CTBP2: variants seen among roughly 807,000 people sequenced by gnomAD.
The protein encoded by CTBP2 is C-terminal-binding protein 2.
A neutral mutation model predicts 80.3 loss-of-function variants in CTBP2; 30 were observed. The ratio of observed to expected loss-of-function variants is 0.37; its 90% CI spans 0.28 to 0.51. The LOEUF (loss-of-function observed/expected upper bound fraction) is 0.51, where lower values mean the gene tolerates loss of function less well. Among genes scored for constraint, CTBP2 ranks in the 20% least tolerant of loss-of-function variants. The probability of loss-of-function intolerance (pLI) is 0.93; values close to 1 mark genes in which losing one functional copy is unlikely to be tolerated. For synonymous variants in CTBP2, 594 were observed against 587.4 expected (o/e 1.01, Z -0.16); for missense variants, 1,212 against 1,375.3 (o/e 0.88, Z 1.88).
chr10:125,119,049 G>C (rs908490455), intron 1 of CTBP2, among the ~76,000 whole-genome samples: 1 of 152,202 alleles, frequency 6.6e-6, no homozygotes, highest in African/African-American at 2.4e-5. Context: ...CTTTCTCCCT[G>C]ATAGGGTGAC....
intron 2 of CTBP2, among the ~76,000 whole-genome samples, chr10:125,058,701 C>T (rs911024197): frequency 1.4e-4 from 21 of 152,094 alleles, no homozygotes; most frequent in Admixed American, 2.6e-4. Flanking sequence ...TCGAGACTAG[C>T]CCGGCCAACA....
intron 2 of CTBP2, among the ~76,000 whole-genome samples, chr10:125,110,025 CA>C (rs1006126758): frequency 3.9e-5 from 6 of 152,226 alleles, no homozygotes; most frequent in African/African-American, 1.4e-4. Flanking sequence ...TTGGCCCCCT[CA>C]GGTGGTCACC....
At chr10:125,040,599 T>TACACACACAC (rs59512017) in intron 2 of CTBP2, among the ~76,000 whole-genome samples, 4,558 of 146,026 alleles carry the variant, frequency 0.031, 135 homozygotes, top group African/African-American at 0.065. Context: ...CACAACCACA[T>TACACACACAC]ACACACACAC....
intron 8 of CTBP2, among the ~76,000 whole-genome samples, chr10:124,991,346 TA>T (rs1259338182): frequency 6.6e-6 from 1 of 152,176 alleles, no homozygotes; most frequent in East Asian, 1.9e-4. Flanking sequence ...CATACTGTTC[TA>T]GGGGGCCTAA....
intron 2 of CTBP2, among the ~76,000 whole-genome samples, chr10:125,045,712 A>G (rs763765317): frequency 7.4e-4 from 112 of 152,276 alleles, no homozygotes; most frequent in Middle Eastern, 3.4e-3. Context: ...GCTGGTCTCA[A>G]ACTCCTGACT....
intron 1 of CTBP2, among the ~76,000 whole-genome samples, chr10:125,011,879 G>A (rs762331181): frequency 2.2e-4 from 34 of 152,346 alleles, no homozygotes; most frequent in East Asian, 7.7e-4. Context: ...CCCAGACACC[G>A]TCCTGTTGGC....
intron 1 of CTBP2, among the ~76,000 whole-genome samples, chr10:125,156,704 C>T (rs900352244): frequency 6.6e-6 from 1 of 152,192 alleles, no homozygotes; most frequent in African/African-American, 2.4e-5. Context: ...TGCCTTGTAG[C>T]TGGCTACTCA....
chr10:125,114,522 C>T (rs1411254133), intron 1 of CTBP2, among the ~76,000 whole-genome samples: 1 of 152,056 alleles, frequency 6.6e-6, no homozygotes, highest in Non-Finnish European at 1.5e-5. Context: ...ACCCCCTACC[C>T]CACCGCCACT....
rs768573864 is a variant in CTBP2, at chr10:125,003,357, G to A, written c.1814C>T (p.Thr605Met). 8.1e-6 allele frequency: 13 copies of A among 1,610,288 alleles called. No homozygotes were observed. The highest frequency in any genetic ancestry group is 9.3e-6 in the Non-Finnish European group (11 of 1,179,366). The change falls in exon 2 of 9, where the codon ACG (threonine) becomes ATG (methionine). Residue 605 changes from threonine (T) to methionine (M), a missense_variant. Physicochemically the swap from Thr to Met is moderately conservative, Grantham distance 81. Coordinates refer to ENST00000309035, the MANE Select transcript of CTBP2 (RefSeq NM_022802.3). The stretch of plus-strand genomic sequence containing the variant: ...GCCCACCTTCTCGTGGATTTCCTGC[G>A]TCGACTGCGCGTCACAGAAGGCCAC...
In CTBP2 at chr10:125,027,939, G is replaced by A; in HGVS notation, c.-180C>T. The A allele has an allele frequency of 7.1e-7, 1 of 1,415,152 alleles. No individual in the cohort carries two copies. The highest frequency in any genetic ancestry group is 9.2e-7 in the Non-Finnish European group (1 of 1,088,378). 87.7% of individuals were successfully genotyped at this position (1,415,152 alleles called of 1,614,324 possible). A position where few individuals can be genotyped will look rare whatever the true frequency, so the allele number is the denominator to read the frequency against. On this transcript the variant is annotated 5_prime_UTR_variant, in exon 1 of 9. Coordinates refer to ENST00000309035, the MANE Select transcript of CTBP2 (RefSeq NM_022802.3). The stretch of plus-strand genomic sequence containing the variant: ...TTATTAATCCTCCGAAACCTTAGCA[G>A]ACAAAACATAAGACTCACGGTAACT...
Position 125,117,323 on chromosome 10 carries a change from G to A in CTBP2, c.-205-6230C>T, listed in dbSNP as rs1455862276. Among the ~76,000 whole-genome samples, 3 of 152,084 alleles carry A rather than the reference G, an allele frequency of 2.0e-5. No individual in the cohort carries two copies. In the East Asian group the frequency reaches 5.8e-4, roughly 29 times the overall value. ...TAAAGACAGGCATCCCTGAGCAAAC[G>A]GCAGTGGGAGATGCCACCTCTCCTC... On this transcript the variant is annotated intron_variant, in intron 1 of 10. Transcript: ENST00000337195.
intron 1 of CTBP2, among the ~76,000 whole-genome samples, chr10:125,009,209 T>C (rs1441604028): frequency 6.6e-6 from 1 of 152,226 alleles, no homozygotes; most frequent in Non-Finnish European, 1.5e-5. Context: ...ATTAAATTTA[T>C]GTTCAAGTGC....
chr10:125,067,770 C>A (rs1296032568), intron 2 of CTBP2, among the ~76,000 whole-genome samples: 2 of 152,196 alleles, frequency 1.3e-5, no homozygotes, highest in Admixed American at 6.5e-5. Flanking sequence ...TCAAGGAAGG[C>A]CCTGACCTGT....
At chr10:125,005,440 G>T in intron 1 of CTBP2, 1 of 1,119,466 alleles carries the variant, frequency 8.9e-7, no homozygotes, top group Non-Finnish European at 1.3e-6. Flanking sequence ...TCCCCAAACA[G>T]GGTGTCCGCA....
chr10:125,070,167 A>C (rs1397707833), intron 2 of CTBP2, among the ~76,000 whole-genome samples: 2 of 151,984 alleles, frequency 1.3e-5, no homozygotes, highest in African/African-American at 4.8e-5. Flanking sequence ...CTGGCTAACA[A>C]GGTGAAACCC....
At chr10:125,096,638 T>C (rs1358085430) in intron 2 of CTBP2, among the ~76,000 whole-genome samples, 1 of 152,088 alleles carries the variant, frequency 6.6e-6, no homozygotes, top group Non-Finnish European at 1.5e-5. Flanking sequence ...TAGACACAGC[T>C]CTAACACATT....
intron 2 of CTBP2, among the ~76,000 whole-genome samples, chr10:125,063,002 G>C (rs1844050268): frequency 6.6e-6 from 1 of 152,246 alleles, no homozygotes; most frequent in Admixed American, 6.5e-5. Flanking sequence ...GTTCCAGTGA[G>C]CAGGCTGGGC....
chr10:125,159,405 CCCGCCCGGCCCCCGCCCGCGCCCG>C (rs1225669504), intron 1 of CTBP2, among the ~76,000 whole-genome samples: 16 of 144,442 alleles, frequency 1.1e-4, no homozygotes, highest in Non-Finnish European at 2.2e-4. Context: ...AAATGCCCGG[CCCGCCCGGCCCCCGCCCGCGCCCG>C]CCGCCCGGCC....
chr10:124,998,822 C>T (rs1954025003), intron 3 of CTBP2: 1 of 156,488 alleles, frequency 6.4e-6, no homozygotes, highest in Non-Finnish European at 1.4e-5. Context: ...CCTCCCTGCC[C>T]CGTGGAGCAG....
Sources: allele counts gnomAD v4.1 joint callset (sites outside exome capture counted in the v4.1 genomes callset), GRCh38; gene constraint gnomAD v4.1.1; transcripts MANE v1.5; gene names NCBI Gene and HGNC (gene_info 2026-07-23, HGNC 2026-07-21).